The following RIPOR2 variants were observed in gnomAD, a reference collection of about 807,000 sequenced individuals.
RIPOR2 encodes RHO family interacting cell polarization regulator 2, also known as rho family-interacting cell polarization regulator 2.
RIPOR2 carries 39 observed loss-of-function variants against 114.5 expected under a neutral mutation model. The ratio of observed to expected loss-of-function variants is 0.34; its 90% CI spans 0.26 to 0.44. The LOEUF (loss-of-function observed/expected upper bound fraction) is 0.44. RIPOR2 is among the 20% of genes least tolerant of loss of function. The pLI, the probability that RIPOR2 is intolerant of heterozygous loss-of-function variation, is 1.00. For missense variants in RIPOR2, 1,007 were observed against 1,255.1 expected (o/e 0.80, Z 2.99); for synonymous variants, 445 against 484.4 (o/e 0.92, Z 1.07).
chr6:24,906,730 A>G (rs1392829648), intron 1 of RIPOR2, among the ~76,000 whole-genome samples: 2 of 152,092 alleles, frequency 1.3e-5, no homozygotes, highest in Admixed American at 6.5e-5. Context: ...TTGACCTTCC[A>G]GGCTCAAGCG....
upstream of RIPOR2, among the ~76,000 whole-genome samples, chr6:24,936,337 T>G (rs189332469): frequency 6.6e-6 from 1 of 152,350 alleles, no homozygotes; most frequent in African/African-American, 2.4e-5. Context: ...CAATTACAAT[T>G]TATCTGAAAG....
chr6:24,847,554 C>T, intron 12 of RIPOR2: 1 of 1,551,598 alleles, frequency 6.4e-7, no homozygotes, highest in Non-Finnish European at 8.7e-7. Flanking sequence ...AGAGCTCTAG[C>T]ACGGCCTTGG....
chr6:24,933,793 A>G (rs1011173618), intron 1 of RIPOR2, among the ~76,000 whole-genome samples: 2 of 152,114 alleles, frequency 1.3e-5, no homozygotes, highest in African/African-American at 2.4e-5. Context: ...TTGACTCCCA[A>G]CTTATCAACC....
intron 7 of RIPOR2, among the ~76,000 whole-genome samples, chr6:24,861,897 T>G (rs1431394121): frequency 6.6e-6 from 1 of 152,236 alleles, no homozygotes; most frequent in African/African-American, 2.4e-5. Flanking sequence ...AATTTTTCTA[T>G]AGGTTTGAAA....
intron 1 of RIPOR2, among the ~76,000 whole-genome samples, chr6:24,972,717 C>T (rs390218): frequency 0.82 from 125,326 of 152,200 alleles, 54,367 homozygotes; most frequent in East Asian, 0.96. Flanking sequence ...ATTACAATGA[C>T]TGCCTTGGGA....
At chr6:24,878,888 T>TTGAACCTGGGAGGTGGCGGCTGCC (rs1554218662) in intron 1 of RIPOR2, among the ~76,000 whole-genome samples, 4 of 141,580 alleles carry the variant, frequency 2.8e-5, no homozygotes, top group African/African-American at 5.7e-5. Flanking sequence ...AATTAAACGC[T>TTGAACCTGGGAGGTGGCGGCTGCC]GGAGAGTAAA....
intron 14 of RIPOR2, among the ~76,000 whole-genome samples, chr6:24,836,323 T>C (rs1179951287): frequency 6.6e-6 from 1 of 152,102 alleles, no homozygotes; most frequent in Non-Finnish European, 1.5e-5. Flanking sequence ...GCTACTTGAA[T>C]AAAAGGAAAA....
chr6:24,842,898 C>T lies in RIPOR2; in HGVS notation c.1821G>A (p.Leu607=), dbSNP rs199946262. The change falls in exon 13 of 22, where the codon CTG becomes CTA. Residue 607 remains leucine (L), a synonymous_variant. Coordinates refer to ENST00000643898, the MANE Select transcript of RIPOR2 (RefSeq NM_001286445.3). ...HKEQYKEFQD[L]NQEVMNLDDI... ...CATCCAAATTCATGACTTCTTGGTTCAGATCCTGAAACTCTTTATACTGCT... is the reference window on the plus strand; with the variant it reads ...CATCCAAATTCATGACTTCTTGGTTTAGATCCTGAAACTCTTTATACTGCT... 1.7e-4 allele frequency: 255 copies of T among 1,464,488 alleles called. No homozygotes were observed. The highest frequency in any genetic ancestry group is 1.7e-4 in the Non-Finnish European group (183 of 1,104,188). 90.7% of individuals were successfully genotyped at this position (1,464,488 alleles called of 1,614,324 possible).
At position 24,853,959 on chromosome 6, in the gene RIPOR2, G is replaced by GA. The variant is rs747210483; in HGVS notation, c.716-1342dup. ...AGTGAGACCTCATCTCTACTAAAAAGAAAAAAAAAAATTAGCCAAGTGTGG... is the reference window on the plus strand; with the variant it reads ...AGTGAGACCTCATCTCTACTAAAAAGAAAAAAAAAAAATTAGCCAAGTGTGG... On this transcript the variant is annotated intron_variant, in intron 8 of 21. Coordinates refer to ENST00000643898, the MANE Select transcript of RIPOR2 (RefSeq NM_001286445.3). Among the ~76,000 whole-genome samples the GA allele has an allele frequency of 3.7e-3, 543 of 145,498 alleles. 2 individuals carry two copies. The highest frequency in any genetic ancestry group is 6.6e-3 in the Non-Finnish European group (432 of 65,864).
At chr6:24,985,070 G>A (rs191570291) in intron 1 of RIPOR2, among the ~76,000 whole-genome samples, 4 of 152,198 alleles carry the variant, frequency 2.6e-5, no homozygotes, top group African/African-American at 4.8e-5. Context: ...TGCCCTATGC[G>A]CAACTTTTGT....
chr6:24,859,150 GC>G (rs1412419382), intron 8 of RIPOR2, among the ~76,000 whole-genome samples: 1 of 152,106 alleles, frequency 6.6e-6, no homozygotes, highest in Non-Finnish European at 1.5e-5. Context: ...GCCTCTCTAG[GC>G]CCCTATTTCC....
At chr6:25,029,007 G>A (rs1182401691) in intron 1 of RIPOR2, among the ~76,000 whole-genome samples, 2 of 152,082 alleles carry the variant, frequency 1.3e-5, no homozygotes, top group African/African-American at 4.8e-5. Flanking sequence ...AAATGACGAG[G>A]GCCGGGTATG....
Position 24,806,042 on chromosome 6 carries a change from T to C in RIPOR2, c.*331A>G. ...ATGGCTCACTGCAGCCTGAATCTTCTGGGCTCAAGCAATCCTCCCACCTTA... is the reference window on the plus strand; with the variant it reads ...ATGGCTCACTGCAGCCTGAATCTTCCGGGCTCAAGCAATCCTCCCACCTTA... On this transcript the variant is annotated 3_prime_UTR_variant, in exon 22 of 22. Transcript: ENST00000643898. 1.3e-5 allele frequency: 3 copies of C among 237,324 alleles called. No individual in the cohort carries two copies. Among genetic ancestry groups the C allele is most frequent in the Non-Finnish European group, 2.4e-5 (3 of 122,876 alleles). 14.7% of individuals were successfully genotyped at this position (237,324 alleles called of 1,614,324 possible).
intron 1 of RIPOR2, among the ~76,000 whole-genome samples, chr6:24,985,707 C>T (rs1307823262): frequency 2.6e-5 from 4 of 152,052 alleles, no homozygotes; most frequent in African/African-American, 9.7e-5. Flanking sequence ...TGATGTAAAT[C>T]CTATAACTAT....
intron 19 of RIPOR2, among the ~76,000 whole-genome samples, chr6:24,823,553 T>C: frequency 6.6e-6 from 1 of 152,260 alleles, no homozygotes; most frequent in Non-Finnish European, 1.5e-5. Context: ...ATTTCTACAG[T>C]GTCCACAAAA....
At chr6:25,005,738 T>TATATATATATATATATATATATACATAC (rs34572978) in intron 1 of RIPOR2, among the ~76,000 whole-genome samples, 4 of 70,696 alleles carry the variant, frequency 5.7e-5, no homozygotes, top group Non-Finnish European at 1.3e-4. Flanking sequence ...TATATATATA[T>TATATATATATATATATATATATACATAC]ATACATTTAC....
chr6:25,010,229 G>A (rs934288853), intron 1 of RIPOR2, among the ~76,000 whole-genome samples: 7 of 152,038 alleles, frequency 4.6e-5, no homozygotes, highest in South Asian at 2.1e-4. Flanking sequence ...GAACAGTCTC[G>A]TGCCCTCCCT....
At chr6:24,918,316 A>G (rs1770239299) in intron 1 of RIPOR2, among the ~76,000 whole-genome samples, 1 of 152,326 alleles carries the variant, frequency 6.6e-6, no homozygotes, top group South Asian at 2.1e-4. Flanking sequence ...ATCATTACCT[A>G]TTATTGAAAA....
intron 1 of RIPOR2, among the ~76,000 whole-genome samples, chr6:24,876,781 T>A (rs1334341046): frequency 6.6e-6 from 1 of 152,172 alleles, no homozygotes; most frequent in Non-Finnish European, 1.5e-5. Context: ...ACAACTTGTA[T>A]TTCAGTCTTT....
Sources: allele counts gnomAD v4.1 joint callset (sites outside exome capture counted in the v4.1 genomes callset), GRCh38; gene constraint gnomAD v4.1.1; transcripts MANE v1.5; gene names NCBI Gene and HGNC (gene_info 2026-07-23, HGNC 2026-07-21).